Variants in KIAA0319L observed in about 807,000 individuals in gnomAD.
KIAA0319L encodes KIAA0319 like.
Under a neutral mutation model 120.1 loss-of-function variants are expected in KIAA0319L, and 55 were observed. The observed-to-expected ratio is 0.46, with a 90% CI of 0.37 to 0.57. KIAA0319L has a LOEUF of 0.57. Ranked by LOEUF, KIAA0319L falls within the 20% of genes least tolerant of loss-of-function variation. KIAA0319L has a pLI of 0.00. For missense variants in KIAA0319L, 1,049 were observed against 1,255.3 expected (o/e 0.84, Z 2.48); for synonymous variants, 398 against 471.9 (o/e 0.84, Z 2.03).
At position 35,454,502 on chromosome 1, in the gene KIAA0319L, A is replaced by G. The variant is rs759392446; in HGVS notation, c.1657-17T>C. On this transcript the variant is annotated splice_polypyrimidine_tract_variant and intron_variant, in intron 10 of 20. Coordinates refer to ENST00000325722, the MANE Select transcript of KIAA0319L (RefSeq NM_024874.5). The stretch of plus-strand genomic sequence containing the variant: ...TCTAACACCCTACAAATACAAATAC[A>G]GAAGTGGAAAAGTGGACTCCAGGAA... 25 of 1,610,576 alleles carry G rather than the reference A, an allele frequency of 1.6e-5. No homozygotes were observed. In the African/African-American group the frequency reaches 2.5e-4, roughly 16 times the overall value.
At chr1:35,443,060 C>T (rs748257786) in intron 17 of KIAA0319L, 32 bp from the exon 18 acceptor site, 5 of 1,613,594 alleles carry the variant, frequency 3.1e-6, no homozygotes, top group Non-Finnish European at 4.2e-6. Flanking sequence ...AGAAAGTCAA[C>T]AAGACTCAGC....
intron 15 of KIAA0319L, among the ~76,000 whole-genome samples, chr1:35,448,586 A>C (rs1641815476): frequency 6.6e-6 from 1 of 152,190 alleles, no homozygotes; most frequent in Non-Finnish European, 1.5e-5. Context: ...GCAGTGATGC[A>C]ATGAGGGGTG....
intron 7 of KIAA0319L, 90 bp from the exon 8 acceptor site, chr1:35,462,803 C>A: frequency 3.9e-6 from 4 of 1,021,234 alleles, no homozygotes; most frequent in East Asian, 2.7e-5. Context: ...AATCAATTTC[C>A]ATTACATCAG....
At chr1:35,553,459 G>A (rs760178921) in intron 2 of KIAA0319L, among the ~76,000 whole-genome samples, 1 of 151,582 alleles carries the variant, frequency 6.6e-6, no homozygotes, top group Non-Finnish European at 1.5e-5. Flanking sequence ...AAACCCCAAA[G>A]CTGATGTTAC....
intron 3 of KIAA0319L, among the ~76,000 whole-genome samples, chr1:35,503,688 T>C (rs903193254): frequency 6.6e-6 from 1 of 152,130 alleles, no homozygotes; most frequent in Non-Finnish European, 1.5e-5. Flanking sequence ...CCAGGCCATA[T>C]ACAGTTGGCC....
chr1:35,492,117 GAA>G (rs1553208310), intron 3 of KIAA0319L, among the ~76,000 whole-genome samples: 1 of 152,048 alleles, frequency 6.6e-6, no homozygotes, highest in Non-Finnish European at 1.5e-5. Flanking sequence ...GAAAACTGAA[GAA>G]AAGGAAAAAC....
rs541675508 is a variant in KIAA0319L, at chr1:35,548,028, G to C, written c.142+6322C>G. ...CCCAGCTACTCGGGAGGCTGGGGTAGGAGAATTGCTTGAACCCTGGAGGCT... is the reference window on the plus strand; with the variant it reads ...CCCAGCTACTCGGGAGGCTGGGGTACGAGAATTGCTTGAACCCTGGAGGCT... On this transcript the variant is annotated intron_variant, in intron 2 of 20. Transcript: ENST00000325722. Among the ~76,000 whole-genome samples the C allele has an allele frequency of 3.3e-5, 5 of 152,144 alleles. No homozygotes were observed. In the South Asian group the frequency reaches 1.0e-3, roughly 32 times the overall value.
chr1:35,545,234 A>C (rs1318212976), intron 2 of KIAA0319L, among the ~76,000 whole-genome samples: 2 of 152,128 alleles, frequency 1.3e-5, no homozygotes, highest in African/African-American at 4.8e-5. Context: ...GGGCAAGAGG[A>C]GCATGCTGGA....
At chr1:35,500,437 G>A (rs1003634307) in intron 3 of KIAA0319L, among the ~76,000 whole-genome samples, 4 of 151,614 alleles carry the variant, frequency 2.6e-5, no homozygotes, top group African/African-American at 9.8e-5. Flanking sequence ...TCTTTAAGTT[G>A]AGAAACGGGA....
At chr1:35,459,963 G>A (rs1424356507) in intron 9 of KIAA0319L, among the ~76,000 whole-genome samples, 1 of 152,112 alleles carries the variant, frequency 6.6e-6, no homozygotes, top group African/African-American at 2.4e-5. Context: ...AATGAGAGTA[G>A]GTCTTTCAGA....
At chr1:35,498,071 G>A (rs1020599918) in intron 3 of KIAA0319L, among the ~76,000 whole-genome samples, 2 of 152,170 alleles carry the variant, frequency 1.3e-5, no homozygotes, top group African/African-American at 4.8e-5. Context: ...AGTGGCTCAC[G>A]CCTGTAATCC....
intron 2 of KIAA0319L, among the ~76,000 whole-genome samples, chr1:35,535,524 C>T (rs576787712): frequency 5.8e-4 from 88 of 152,130 alleles, no homozygotes; most frequent in Non-Finnish European, 1.0e-3. Flanking sequence ...GGGTCAAATT[C>T]CTTAGTTTTT....
intron 2 of KIAA0319L, among the ~76,000 whole-genome samples, chr1:35,530,197 G>A (rs11264171): frequency 0.95 from 142,473 of 150,404 alleles, 67,558 homozygotes; most frequent in East Asian, 1. Flanking sequence ...CACCATGCCC[G>A]GCCTTTTTTT....
chr1:35,517,647 G>A (rs1232607220), intron 2 of KIAA0319L, among the ~76,000 whole-genome samples: 4 of 152,060 alleles, frequency 2.6e-5, no homozygotes, highest in Admixed American at 2.6e-4. Context: ...ACCATCCTAG[G>A]AACATAGAAA....
chr1:35,451,821 C>A, intron 12 of KIAA0319L, 45 bp from the exon 13 acceptor site: 1 of 1,597,544 alleles, frequency 6.3e-7, no homozygotes. Context: ...CTGTCTGCTG[C>A]TGTCCTGTCC....
At chr1:35,442,167 G>T (rs1641274063) in intron 19 of KIAA0319L, 79 bp downstream of exon 19, 4 of 1,068,842 alleles carry the variant, frequency 3.7e-6, no homozygotes, top group Middle Eastern at 2.0e-4. Context: ...CCTTCCACGT[G>T]GAAGGTGCCA....
At chr1:35,517,293 C>T (rs79940050) in intron 2 of KIAA0319L, among the ~76,000 whole-genome samples, 9 of 152,200 alleles carry the variant, frequency 5.9e-5, no homozygotes, top group East Asian at 3.8e-4. Context: ...GGTGGTACCA[C>T]GTTACCCGAC....
At chr1:35,536,240 T>C (rs113574737) in intron 2 of KIAA0319L, among the ~76,000 whole-genome samples, 90 of 152,322 alleles carry the variant, frequency 5.9e-4, no homozygotes, top group Middle Eastern at 3.4e-3. Context: ...AAAAAAGAGA[T>C]AACTGAATAA....
intron 3 of KIAA0319L, among the ~76,000 whole-genome samples, chr1:35,490,277 T>C (rs184407406): frequency 2.0e-5 from 3 of 152,316 alleles, no homozygotes; most frequent in African/African-American, 7.2e-5. Flanking sequence ...AGTCCTACTT[T>C]AGTAGGATAG....
Sources: allele counts gnomAD v4.1 joint callset (sites outside exome capture counted in the v4.1 genomes callset), GRCh38; gene constraint gnomAD v4.1.1; transcripts MANE v1.5; gene names NCBI Gene and HGNC (gene_info 2026-07-23, HGNC 2026-07-21).